The following SLC67A1 variants were observed in gnomAD, a reference collection of about 807,000 sequenced individuals.
SLC67A1 encodes solute carrier family 67 member 1.
the SLC67A1 span, chr11:2,924,954 T>C: frequency 6.7e-7 from 1 of 1,501,146 alleles, no homozygotes; most frequent in Non-Finnish European, 9.0e-7. The surrounding 1 kb of genome is among the most constrained non-coding windows in gnomAD (Gnocchi z 8.6). Flanking sequence ...GTTCAGGAAG[T>C]GGGCAGTTGG....
the SLC67A1 span, chr11:2,909,472 C>T: frequency 6.3e-6 from 5 of 794,776 alleles, no homozygotes; most frequent in Admixed American, 8.6e-5. Context: ...AAGGGCTGGA[C>T]GGGGGTGGGG....
chr11:2,903,828 A>C, the SLC67A1 span: 2 of 328,694 alleles, frequency 6.1e-6, no homozygotes. Context: ...TCCCTGCCCC[A>C]AGGGCTGTTC....
the SLC67A1 span, chr11:2,909,277 C>T: frequency 9.1e-6 from 14 of 1,534,738 alleles, no homozygotes; most frequent in Admixed American, 2.0e-5. Flanking sequence ...TCCTGGCGGC[C>T]GCCTCCAGCC....
At chr11:2,922,633 C>T in the SLC67A1 span, 2 of 459,180 alleles carry the variant, frequency 4.4e-6, no homozygotes, top group South Asian at 2.8e-5. Flanking sequence ...GGTGGGCAGC[C>T]TAGGGTCTGT....
the SLC67A1 span, among the ~76,000 whole-genome samples, chr11:2,923,399 AACTC>A: frequency 1.9e-4 from 11 of 57,368 alleles, no homozygotes; most frequent in African/African-American, 7.7e-4. This position sits in a 1 kb window ranked among gnomAD's most constrained non-coding sequence, Gnocchi z 6.5. Flanking sequence ...CAGATCCAGA[AACTC>A]AGGGCACACA....
the SLC67A1 span, among the ~76,000 whole-genome samples, chr11:2,913,926 A>T: frequency 2.0e-5 from 3 of 152,300 alleles, no homozygotes; most frequent in African/African-American, 7.2e-5. Flanking sequence ...ACGCCCTGCT[A>T]TCTGGGCAGC....
At chr11:2,905,852 T>C in the SLC67A1 span, among the ~76,000 whole-genome samples, 15 of 152,040 alleles carry the variant, frequency 9.9e-5, no homozygotes, top group African/African-American at 3.6e-4. Flanking sequence ...CAAAAGGGGA[T>C]TGTGCAGAGA....
the SLC67A1 span, among the ~76,000 whole-genome samples, chr11:2,908,748 G>A: frequency 2.6e-5 from 4 of 152,184 alleles, no homozygotes; most frequent in South Asian, 2.1e-4. Context: ...ATTGGGAGTT[G>A]CCTCTTCAGA....
the SLC67A1 span, chr11:2,903,578 G>A: frequency 6.7e-7 from 1 of 1,482,564 alleles, no homozygotes; most frequent in Non-Finnish European, 9.3e-7. Flanking sequence ...CAGAGAGTGG[G>A]GGTGGGGGTT....
At chr11:2,922,262 G>C in the SLC67A1 span, 1 of 1,546,594 alleles carries the variant, frequency 6.5e-7, no homozygotes, top group Non-Finnish European at 8.9e-7. Context: ...AAGGCCACCT[G>C]GGCGGTACCA....
the SLC67A1 span, chr11:2,925,097 G>A: frequency 1.9e-6 from 3 of 1,613,860 alleles, no homozygotes; most frequent in Admixed American, 3.3e-5. The surrounding 1 kb of genome is among the most constrained non-coding windows in gnomAD (Gnocchi z 6.5). Flanking sequence ...CGCAGCTTTG[G>A]CGTCCCCGTC....
the SLC67A1 span, chr11:2,916,760 C>T: frequency 1.2e-6 from 2 of 1,600,180 alleles, no homozygotes; most frequent in South Asian, 1.1e-5. Flanking sequence ...GCCAGGTACA[C>T]CCTGCCCAGA....
chr11:2,924,522 C>A, the SLC67A1 span, among the ~76,000 whole-genome samples: 2 of 152,144 alleles, frequency 1.3e-5, no homozygotes, highest in Admixed American at 1.3e-4. This position sits in a 1 kb window ranked among gnomAD's most constrained non-coding sequence, Gnocchi z 8.6. Flanking sequence ...TGGTGGCAGG[C>A]ACCCTGGGAA....
At chr11:2,903,101 G>C in the SLC67A1 span, 3 of 846,526 alleles carry the variant, frequency 3.5e-6, no homozygotes, top group Non-Finnish European at 5.0e-6. Context: ...TGTGCCTGGA[G>C]ACCAGAGCTG....
chr11:2,924,102 G>A, the SLC67A1 span, among the ~76,000 whole-genome samples: 4 of 152,216 alleles, frequency 2.6e-5, no homozygotes, highest in African/African-American at 7.2e-5. The surrounding 1 kb of genome is among the most constrained non-coding windows in gnomAD (Gnocchi z 8.6). Context: ...CCCGCTTGGC[G>A]AGTGCTGCCC....
the SLC67A1 span, chr11:2,899,937 C>G: frequency 6.1e-6 from 3 of 494,496 alleles, no homozygotes; most frequent in Non-Finnish European, 1.1e-5. Context: ...CCCCAGGGAA[C>G]CCAGGAGGCG....
At chr11:2,899,742 G>T in the SLC67A1 span, 2 of 1,442,950 alleles carry the variant, frequency 1.4e-6, 1 homozygote, top group South Asian at 2.9e-5. Context: ...AGGTCTCTCC[G>T]ATTTCCTCTG....
chr11:2,913,198 C>A, the SLC67A1 span, among the ~76,000 whole-genome samples: 2 of 152,176 alleles, frequency 1.3e-5, no homozygotes, highest in Admixed American at 6.5e-5. Context: ...CGCCGCCCCC[C>A]CAGCCAGGTG....
the SLC67A1 span, chr11:2,922,492 C>A: frequency 2.5e-6 from 4 of 1,612,918 alleles, no homozygotes; most frequent in Non-Finnish European, 3.4e-6. Flanking sequence ...TGGTGTTCAG[C>A]CTCTGCACCC....
Sources: allele counts gnomAD v4.1 joint callset (sites outside exome capture counted in the v4.1 genomes callset), GRCh38; gene constraint gnomAD v4.1.1; non-coding constraint Gnocchi (gnomAD v3.1); transcripts MANE v1.5; gene names NCBI Gene and HGNC (gene_info 2026-07-23, HGNC 2026-07-21).